The following TXNRD1 variants were observed in gnomAD, a reference collection of about 807,000 sequenced individuals.
TXNRD1 encodes thioredoxin reductase 1, cytoplasmic.
A neutral mutation model predicts 80.3 loss-of-function variants in TXNRD1; 57 were observed. That is an observed-to-expected ratio of 0.71 (90% CI 0.57 to 0.89). The LOEUF (loss-of-function observed/expected upper bound fraction) is 0.89, where lower values mean the gene tolerates loss of function less well. Ranked by LOEUF, TXNRD1 falls within the 40% of genes least tolerant of loss-of-function variation. The probability of loss-of-function intolerance (pLI) is 0.00; values close to 1 mark genes in which losing one functional copy is unlikely to be tolerated. For synonymous variants in TXNRD1, 291 were observed against 285.2 expected (o/e 1.02, Z -0.20); for missense variants, 730 against 803.0 (o/e 0.91, Z 1.10).
intron 7 of TXNRD1, among the ~76,000 whole-genome samples, chr12:104,317,309 C>T (rs373708807): frequency 4.6e-5 from 7 of 151,682 alleles, no homozygotes; most frequent in African/African-American, 9.7e-5. Flanking sequence ...GCAGCCTTCC[C>T]TACCCACAAG....
intron 4 of TXNRD1, among the ~76,000 whole-genome samples, chr12:104,292,845 T>C (rs1250794534): frequency 6.6e-6 from 1 of 152,234 alleles, no homozygotes; most frequent in Non-Finnish European, 1.5e-5. Context: ...AACAAAGGAC[T>C]AGTCTTTAAT....
At position 104,226,351 on chromosome 12, in the gene TXNRD1, C is replaced by G. The variant is rs367969265; in HGVS notation, c.91+10458C>G. Among the ~76,000 whole-genome samples the G allele has an allele frequency of 2.6e-5, 4 of 152,234 alleles. No individual in the cohort carries two copies. In the East Asian group the frequency reaches 5.8e-4, roughly 22 times the overall value. On this transcript the variant is annotated intron_variant, in intron 1 of 16. Coordinates refer to ENST00000525566, the MANE Select transcript of TXNRD1 (RefSeq NM_001093771.3). Reference sequence around the variant, plus strand: ...TGCTGAACGCTGTGGGCTCACTGACCCTTGCCTATGAAGCACTGTAGAATA... The same window carrying G: ...TGCTGAACGCTGTGGGCTCACTGACGCTTGCCTATGAAGCACTGTAGAATA...
intron 2 of TXNRD1, among the ~76,000 whole-genome samples, chr12:104,257,122 A>G (rs902703066): frequency 6.6e-6 from 1 of 151,780 alleles, no homozygotes; most frequent in Admixed American, 6.6e-5. Context: ...TGTGTCTTGT[A>G]CATAAAAGTC....
At chr12:104,309,696 C>A in intron 4 of TXNRD1, 5 of 1,283,948 alleles carry the variant, frequency 3.9e-6, no homozygotes, top group Non-Finnish European at 5.3e-6. Context: ...ACACTAGTTA[C>A]TTGAAGCATA....
intron 15 of TXNRD1, among the ~76,000 whole-genome samples, chr12:104,337,143 C>A (rs376607696): frequency 6.6e-5 from 10 of 151,888 alleles, no homozygotes. Flanking sequence ...TTTTTGAGAC[C>A]CTTTCCACAT....
At chr12:104,268,917 CTTTT>C (rs34134230) in intron 3 of TXNRD1, among the ~76,000 whole-genome samples, 3 of 127,812 alleles carry the variant, frequency 2.3e-5, no homozygotes, top group African/African-American at 2.9e-5. Flanking sequence ...GTTGTCATTT[CTTTT>C]TTTTTTTTTT....
chr12:104,288,141 C>T (rs897784094), intron 3 of TXNRD1, among the ~76,000 whole-genome samples: 8 of 152,128 alleles, frequency 5.3e-5, no homozygotes, highest in Non-Finnish European at 1.0e-4. Context: ...CAGGCACCTG[C>T]CACCGCGCCC....
At chr12:104,313,352 C>A in intron 6 of TXNRD1, 35 bp downstream of exon 6, 1 of 1,491,386 alleles carries the variant, frequency 6.7e-7, no homozygotes, top group Non-Finnish European at 9.1e-7. Flanking sequence ...GTGATGTTGC[C>A]GAAGTAGTTT....
At chr12:104,306,786 A>T (rs2034932362) in intron 4 of TXNRD1, among the ~76,000 whole-genome samples, 1 of 152,136 alleles carries the variant, frequency 6.6e-6, no homozygotes, top group Admixed American at 6.5e-5. Context: ...GCACCATTTG[A>T]TCTCACTCAT....
chr12:104,286,956 A>C (rs1423255423), intron 3 of TXNRD1: 1 of 1,218,700 alleles, frequency 8.2e-7, no homozygotes, highest in Non-Finnish European at 1.0e-6. Flanking sequence ...TCTGGCAGTT[A>C]GCCCGCCCGC....
intron 16 of TXNRD1, among the ~76,000 whole-genome samples, chr12:104,341,846 T>C (rs1460171306): frequency 6.6e-6 from 1 of 152,198 alleles, no homozygotes; most frequent in Non-Finnish European, 1.5e-5. Flanking sequence ...ACTTCTGACC[T>C]ACCAGCTATA....
At chr12:104,296,873 G>A (rs1284927118) in intron 4 of TXNRD1, among the ~76,000 whole-genome samples, 1 of 152,204 alleles carries the variant, frequency 6.6e-6, no homozygotes, top group Non-Finnish European at 1.5e-5. Context: ...CTATGCAGGT[G>A]TGTCCAGGTC....
At chr12:104,288,511 A>G (rs533355384) in intron 3 of TXNRD1, among the ~76,000 whole-genome samples, 1 of 152,332 alleles carries the variant, frequency 6.6e-6, no homozygotes, top group African/African-American at 2.4e-5. Context: ...GGCATTCAGT[A>G]TAGATGCAGA....
At chr12:104,224,571 A>C (rs572725616) in intron 1 of TXNRD1, among the ~76,000 whole-genome samples, 1 of 152,030 alleles carries the variant, frequency 6.6e-6, no homozygotes, top group South Asian at 2.1e-4. Flanking sequence ...TTTTTAGTAA[A>C]GACGGGGTTT....
chr12:104,315,965 T>C (rs1220839262), intron 7 of TXNRD1, 69 bp downstream of exon 7: 2 of 1,519,642 alleles, frequency 1.3e-6, no homozygotes, highest in East Asian at 4.8e-5. Context: ...TTGTGATGCG[T>C]CGTCCATTTT....
chr12:104,237,872 G>A (rs940886630), intron 1 of TXNRD1, among the ~76,000 whole-genome samples: 4 of 152,084 alleles, frequency 2.6e-5, no homozygotes, highest in Non-Finnish European at 4.4e-5. Context: ...TTAGCTGGGT[G>A]TGGTGGCGCA....
intron 13 of TXNRD1, 121 bp from the exon 14 acceptor site, chr12:104,331,413 C>A (rs2035941945): frequency 3.5e-6 from 2 of 568,776 alleles, no homozygotes; most frequent in East Asian, 2.9e-5. Flanking sequence ...ATTGAGACTT[C>A]ACATACTTTG....
At chr12:104,314,671 T>TA (rs1490156350) in intron 6 of TXNRD1, among the ~76,000 whole-genome samples, 1 of 151,540 alleles carries the variant, frequency 6.6e-6, no homozygotes, top group Non-Finnish European at 1.5e-5. Context: ...ATGCATCCTT[T>TA]AAAAAACCAA....
rs546318348 is a variant in TXNRD1 at position 104,301,633 on chromosome 12, G to A, written c.415-9657G>A. On this transcript the variant is annotated intron_variant, in intron 4 of 16. Coordinates refer to ENST00000525566, the MANE Select transcript of TXNRD1 (RefSeq NM_001093771.3). ...ATTACAGGCGTGAGCCACCGTGCCC[G>A]GCTGCTTTTGTTGAATTTAAAGTGG... 4.6e-5 allele frequency among the ~76,000 whole-genome samples: 7 copies of A among 152,330 alleles called. No homozygotes were observed. In the South Asian group the frequency reaches 6.2e-4, roughly 14 times the overall value.
Sources: gnomAD v4.1 joint callset for allele counts (sites outside exome capture counted in the v4.1 genomes callset) on GRCh38, gnomAD v4.1.1 for gene constraint, MANE v1.5 for transcripts, NCBI Gene and HGNC (gene_info 2026-07-23, HGNC 2026-07-21) for gene names.